Variants in PACRG observed in about 807,000 individuals in gnomAD.
The protein encoded by PACRG is parkin coregulated, also known as parkin coregulated gene protein.
A neutral mutation model predicts 29.7 loss-of-function variants in PACRG; 29 were observed. The observed-to-expected ratio is 0.98, with a 90% CI of 0.73 to 1.33. The LOEUF is 1.33. Among genes scored for constraint, PACRG ranks in the 40% most tolerant of loss-of-function variants. The probability of loss-of-function intolerance (pLI) is 0.00; values close to 1 mark genes in which losing one functional copy is unlikely to be tolerated. For missense variants in PACRG, 279 were observed against 316.2 expected (o/e 0.88, Z 0.89); for synonymous variants, 116 against 118.7 (o/e 0.98, Z 0.15).
intron 4 of PACRG, chr6:163,165,675 A>G: frequency 4.9e-6 from 1 of 204,750 alleles, no homozygotes; most frequent in Non-Finnish European, 1.0e-5. Flanking sequence ...GCGTGGGGTG[A>G]GCAAGGAGGG....
intron 4 of PACRG, among the ~76,000 whole-genome samples, chr6:163,103,166 C>T (rs117273752): frequency 0.013 from 1,966 of 152,248 alleles, 85 homozygotes; most frequent in Admixed American, 0.084. Flanking sequence ...ATAAGGGGAT[C>T]AAAGTGTCAG....
intron 1 of PACRG, among the ~76,000 whole-genome samples, chr6:162,760,258 C>T (rs1042807881): frequency 1.3e-5 from 2 of 152,154 alleles, no homozygotes; most frequent in South Asian, 2.1e-4. Context: ...ACAGGAGTCC[C>T]TGGGATCTAC....
At chr6:162,898,723 G>A (rs944291674) in intron 2 of PACRG, among the ~76,000 whole-genome samples, 92 of 152,314 alleles carry the variant, frequency 6.0e-4, no homozygotes, top group Non-Finnish European at 3.5e-4. Flanking sequence ...CTTAAAGAGT[G>A]TCTGTCACTT....
chr6:163,001,287 G>C (rs918246262), intron 2 of PACRG, among the ~76,000 whole-genome samples: 1 of 152,234 alleles, frequency 6.6e-6, no homozygotes, highest in Non-Finnish European at 1.5e-5. Flanking sequence ...ATTCTCCAAA[G>C]AGCTTTTGAG....
chr6:162,877,919 A>G lies in PACRG; in HGVS notation c.291+63638A>G, dbSNP rs185284360. On this transcript the variant is annotated intron_variant, in intron 2 of 4. Coordinates refer to ENST00000366888, the MANE Select transcript of PACRG (RefSeq NM_001080379.2). ...AACAAGTTCCTATCCCCAAACTATTAGATAGCAACGGTCACCATGGTAACT... is the reference window on the plus strand; with the variant it reads ...AACAAGTTCCTATCCCCAAACTATTGGATAGCAACGGTCACCATGGTAACT... 7.2e-5 allele frequency among the ~76,000 whole-genome samples: 11 copies of G among 152,352 alleles called. No individual in the cohort carries two copies. The East Asian group carries it at 1.9e-3, about 27-fold the overall frequency.
chr6:163,223,412 A>AATAAAAG (rs1781665156), intron 4 of PACRG, among the ~76,000 whole-genome samples: 1 of 152,138 alleles, frequency 6.6e-6, no homozygotes, highest in African/African-American at 2.4e-5. Flanking sequence ...AAAAATAAAA[A>AATAAAAG]ATAAAAGAAT....
intron 2 of PACRG, among the ~76,000 whole-genome samples, chr6:162,919,562 A>G (rs939209873): frequency 6.6e-6 from 1 of 152,224 alleles, no homozygotes; most frequent in East Asian, 1.9e-4. Context: ...GTAGCAACCC[A>G]TGGTGGCACT....
At chr6:162,989,616 C>A (rs1246710906) in intron 2 of PACRG, among the ~76,000 whole-genome samples, 1 of 151,892 alleles carries the variant, frequency 6.6e-6, no homozygotes, top group East Asian at 1.9e-4. Context: ...TGTTCATATT[C>A]AGTACAGACA....
chr6:162,871,606 G>A (rs1200466029), intron 2 of PACRG, among the ~76,000 whole-genome samples: 1 of 152,044 alleles, frequency 6.6e-6, no homozygotes, highest in Non-Finnish European at 1.5e-5. Flanking sequence ...AATAAAACAA[G>A]CACTTCCACT....
At position 162,768,135 on chromosome 6, in the gene PACRG, A is replaced by G. The variant is rs150336457; in HGVS notation, c.156+39744A>G. On this transcript the variant is annotated intron_variant, in intron 1 of 4. Transcript: ENST00000366888. ...TCCTTCTTAAAGAGCATGATTTACC[A>G]TTGCCTTTAATGAATATCTCCTGGT... is the stretch of plus-strand genomic sequence containing the variant. 2.1e-3 allele frequency among the ~76,000 whole-genome samples: 327 copies of G among 152,174 alleles called. 2 individuals carry two copies. The highest frequency in any genetic ancestry group is 0.01 in the Middle Eastern group (3 of 294).
chr6:162,742,986 G>A (rs1780715985), intron 1 of PACRG, among the ~76,000 whole-genome samples: 1 of 152,120 alleles, frequency 6.6e-6, no homozygotes, highest in South Asian at 2.1e-4. Flanking sequence ...TTGCATTCCT[G>A]CCAACAGTGT....
At chr6:162,836,964 A>G (rs1789281834) in intron 2 of PACRG, among the ~76,000 whole-genome samples, 1 of 152,198 alleles carries the variant, frequency 6.6e-6, no homozygotes. Flanking sequence ...TTATAGCACT[A>G]AAACTCTTGC....
At chr6:163,203,253 A>C (rs894392266) in intron 4 of PACRG, among the ~76,000 whole-genome samples, 1 of 152,072 alleles carries the variant, frequency 6.6e-6, no homozygotes, top group Non-Finnish European at 1.5e-5. Context: ...TCTCTACCAA[A>C]AATACAAAAT....
chr6:162,794,142 G>T (rs1785176706), intron 1 of PACRG, among the ~76,000 whole-genome samples: 1 of 152,046 alleles, frequency 6.6e-6, no homozygotes, highest in Non-Finnish European at 1.5e-5. Flanking sequence ...CACAGTACCA[G>T]AATTTTTTTG....
Position 162,831,098 on chromosome 6 carries a change from C to T in PACRG, c.291+16817C>T, listed in dbSNP as rs79012677. Among the ~76,000 whole-genome samples the T allele has an allele frequency of 9.0e-3, 1,367 of 152,118 alleles. 23 individuals are homozygous for T. The highest frequency in any genetic ancestry group is 0.031 in the African/African-American group (1,305 of 41,522). On this transcript the variant is annotated intron_variant, in intron 2 of 4. Coordinates refer to ENST00000366888, the MANE Select transcript of PACRG (RefSeq NM_001080379.2). ...TCTAACATACCGTTCATTCTTTAAA[C>T]CCAGAAGAGTGCAACTTTCATGATG...
At chr6:163,095,246 T>G (rs1288244824) in intron 4 of PACRG, 1 of 984,644 alleles carries the variant, frequency 1.0e-6, no homozygotes, top group Non-Finnish European at 1.2e-6. Flanking sequence ...TGAGTCTATT[T>G]TCAACCCAAA....
intron 1 of PACRG, among the ~76,000 whole-genome samples, chr6:162,750,307 C>T (rs2128278753): frequency 6.6e-6 from 1 of 152,258 alleles, no homozygotes; most frequent in Middle Eastern, 3.4e-3. Flanking sequence ...TGAATGATAG[C>T]ACATTAAACT....
intron 2 of PACRG, among the ~76,000 whole-genome samples, chr6:162,895,520 C>A (rs1795104028): frequency 6.6e-6 from 1 of 152,098 alleles, no homozygotes; most frequent in Non-Finnish European, 1.5e-5. Context: ...TACTTAAATT[C>A]TTTGTATGTT....
intron 1 of PACRG, among the ~76,000 whole-genome samples, chr6:162,730,169 C>T (rs374993062): frequency 1.3e-5 from 2 of 151,294 alleles, no homozygotes; most frequent in Non-Finnish European, 2.9e-5. Flanking sequence ...ACCAAAATAA[C>T]AACATTCAAA....
Sources: gnomAD v4.1 joint callset for allele counts (sites outside exome capture counted in the v4.1 genomes callset) on GRCh38, gnomAD v4.1.1 for gene constraint, MANE v1.5 for transcripts, NCBI Gene and HGNC (gene_info 2026-07-23, HGNC 2026-07-21) for gene names.